INTS1: variants seen among roughly 807,000 people sequenced by gnomAD.
INTS1 encodes the protein integrator complex subunit 1.
Under a neutral mutation model 241.6 loss-of-function variants are expected in INTS1, and 137 were observed. The observed-to-expected ratio is 0.57, with a 90% CI of 0.49 to 0.65. The LOEUF is 0.65. Ranked by LOEUF, INTS1 falls within the 30% of genes least tolerant of loss-of-function variation. The pLI, the probability that INTS1 is intolerant of heterozygous loss-of-function variation, is 0.00. For missense variants in INTS1, 3,073 were observed against 3,032.2 expected (o/e 1.01, Z -0.32); for synonymous variants, 1,692 against 1,337.8 (o/e 1.26, Z -5.78).
chr7:1,487,668 C>T, intron 19 of INTS1, 92 bp downstream of exon 19: 1 of 1,498,370 alleles, frequency 6.7e-7, no homozygotes, highest in Admixed American at 1.7e-5. Context: ...GTGCGGTCGG[C>T]TCCGCCTGCT....
In INTS1 at chr7:1,493,978, AC is replaced by A. The variant is rs907828730; in HGVS notation, c.1911-68del. On this transcript the variant is annotated intron_variant, in intron 14 of 47. Transcript: ENST00000404767. This position sits in a 1 kb window ranked among gnomAD's most constrained non-coding sequence, Gnocchi z 5.3. ...ACCTGCCAGACCTGAGGGGCCGAGG[AC>A]AGGCCAGCTTCTCCCTCAGAGCCCA... The A allele has an allele frequency of 1.3e-6, 2 of 1,495,612 alleles. No individual in the cohort carries two copies. Among genetic ancestry groups the A allele is most frequent in the African/African-American group, 2.8e-5 (2 of 71,512 alleles). The allele number at this position is 1,495,612 out of a possible 1,614,324, so 92.6% of individuals were successfully genotyped here. A position where few individuals can be genotyped will look rare whatever the true frequency, so the allele number is the denominator to read the frequency against.
At chr7:1,503,641 C>T (rs921474328) in intron 2 of INTS1, among the ~76,000 whole-genome samples, 2 of 152,332 alleles carry the variant, frequency 1.3e-5, no homozygotes, top group African/African-American at 4.8e-5. Flanking sequence ...CTGGGGAGAC[C>T]TTCCGCTACT....
intron 33 of INTS1, 84 bp downstream of exon 33, chr7:1,478,282 C>T (rs1781824104): frequency 2.1e-6 from 3 of 1,459,776 alleles, no homozygotes; most frequent in African/African-American, 1.4e-5. Context: ...CACTGTCCGT[C>T]CCCCACTGGG....
Position 1,478,889 on chromosome 7 carries a change from CG to C in INTS1, c.4330-5del. On this transcript the variant is annotated splice_polypyrimidine_tract_variant and splice_region_variant and intron_variant, in intron 31 of 47. Coordinates refer to ENST00000404767, the MANE Select transcript of INTS1 (RefSeq NM_001080453.3). ...CGGTGTCCTGTGGCACACAGCGCTG[CG>C]GGGACAAAGTGGCACGTGGCTACCC... The C allele has an allele frequency of 1.3e-6, 2 of 1,595,832 alleles. No homozygotes were observed. Among genetic ancestry groups the C allele is most frequent in the South Asian group, 1.1e-5 (1 of 90,356 alleles).
intron 33 of INTS1, 70 bp from the exon 34 acceptor site, chr7:1,478,006 T>A (rs1405431971): frequency 1.5e-6 from 2 of 1,318,886 alleles, no homozygotes; most frequent in Non-Finnish European, 2.2e-6. Flanking sequence ...GGGTGTGGGC[T>A]AGCCAGGGTG....
chr7:1,498,907 C>T lies in INTS1; in HGVS notation c.1138-55G>A, dbSNP rs569954434. ...CACGGCCACCCCGGCAGGAAGACCA[C>T]GCTGTGGGGCCACACAGAGCCTGCC... On this transcript the variant is annotated intron_variant, in intron 8 of 47. Coordinates refer to ENST00000404767, the MANE Select transcript of INTS1 (RefSeq NM_001080453.3). 2,013 of 1,543,496 alleles carry T rather than the reference C, an allele frequency of 1.3e-3. 40 individuals carry two copies. In the South Asian group the frequency reaches 0.022, roughly 17 times the overall value.
rs1251565692 is a variant in INTS1 at position 1,493,824 on chromosome 7, C to T, written c.1998G>A (p.Pro666=). 4.5e-6 allele frequency: 7 copies of T among 1,571,716 alleles called. No homozygotes were observed. Among genetic ancestry groups the T allele is most frequent in the East Asian group, 2.4e-5 (1 of 42,156 alleles). ...ILVIGLSREL[P]LGPADAMELA... is the part of the protein sequence containing the mutation. Reference sequence around the variant, plus strand: ...GCTCCATGGCGTCCGCAGGCCCGAGCGGGAGCTCCCGGGACAGCCCGATGA... The same window carrying T: ...GCTCCATGGCGTCCGCAGGCCCGAGTGGGAGCTCCCGGGACAGCCCGATGA... The change falls in exon 15 of 48, where the codon CCG becomes CCA. Residue 666 remains proline, a synonymous_variant. Transcript: ENST00000404767. This position sits in a 1 kb window ranked among gnomAD's most constrained non-coding sequence, Gnocchi z 5.3.
In INTS1 at chr7:1,500,335, C is replaced by T; in HGVS notation, c.381G>A (p.Glu127=). ...VLPTVLLDEI[E]AAELEGNDDR... ...CATCGTTGCCCTCCAGCTCGGCCGC[C>T]TCGATCTCATCCAGCAGCACCGTGG... Residue 127 remains glutamate, a synonymous_variant, in exon 4 of 48, where the codon GAG becomes GAA. Transcript: ENST00000404767. The T allele has an allele frequency of 6.3e-7, 1 of 1,586,370 alleles. No individual in the cohort carries two copies. The highest frequency in any genetic ancestry group is 8.6e-7 in the Non-Finnish European group (1 of 1,164,920).
At position 1,476,656 on chromosome 7, in the gene INTS1, A is replaced by G. The variant is rs1781738754; in HGVS notation, c.5065T>C (p.Phe1689Leu). 1 of 1,612,570 alleles carries G rather than the reference A, an allele frequency of 6.2e-7. No homozygotes were observed. The highest frequency in any genetic ancestry group is 1.1e-5 in the South Asian group (1 of 91,090). Reference sequence around the variant, plus strand: ...AAGTCCAGAGAGGCAGAGGGGTCGAACCTGTGGGGAGGCAAAGGTTCCAGA... The same window carrying G: ...AAGTCCAGAGAGGCAGAGGGGTCGAGCCTGTGGGGAGGCAAAGGTTCCAGA... ...VLLGKSREQR[F>L]DPSASLDFLW... Residue 1689 changes from phenylalanine (F) to leucine (L), a missense_variant and splice_region_variant, in exon 37 of 48, where the codon TTC becomes CTC. Phe to Leu is a conservative substitution (Grantham distance 22, BLOSUM62 0). Transcript: ENST00000404767.
chr7:1,495,730 C>T (rs1050608933), intron 12 of INTS1, among the ~76,000 whole-genome samples, 177 bp from the exon 13 acceptor site: 2 of 152,122 alleles, frequency 1.3e-5, no homozygotes, highest in African/African-American at 2.4e-5. Flanking sequence ...GACCCTGACG[C>T]GTGCGTGGGT....
chr7:1,473,965 T>G (rs1057306344), intron 41 of INTS1, among the ~76,000 whole-genome samples: 1 of 152,182 alleles, frequency 6.6e-6, no homozygotes, highest in African/African-American at 2.4e-5. Flanking sequence ...GGGCTGGGCT[T>G]CTGAAGGACG....
chr7:1,500,648 C>T (rs1783129889), intron 3 of INTS1, among the ~76,000 whole-genome samples: 1 of 152,206 alleles, frequency 6.6e-6, no homozygotes, highest in Non-Finnish European at 1.5e-5. Flanking sequence ...CAGACATTTC[C>T]CAGCAAGCCA....
rs1353958583 is a variant in INTS1 at position 1,504,386 on chromosome 7, T to C, written c.-105A>G. 2.1e-6 allele frequency: 1 copy of C among 474,140 alleles called. No individual in the cohort carries two copies. The highest frequency in any genetic ancestry group is 2.2e-5 in the Admixed American group (1 of 44,500). 29.4% of individuals were successfully genotyped at this position (474,140 alleles called of 1,614,324 possible). A position where few individuals can be genotyped will look rare whatever the true frequency, so the allele number is the denominator to read the frequency against. On this transcript the variant is annotated 5_prime_UTR_variant, in exon 1 of 48. Coordinates refer to ENST00000404767, the MANE Select transcript of INTS1 (RefSeq NM_001080453.3). ...CGGCCACCCCGGAATCGGAAACCGATCTCACCGCCCTCGAGGACCCGACTT... is the reference window on the plus strand; with the variant it reads ...CGGCCACCCCGGAATCGGAAACCGACCTCACCGCCCTCGAGGACCCGACTT...
chr7:1,503,693 G>A (rs545930679), intron 2 of INTS1, among the ~76,000 whole-genome samples: 81 of 152,306 alleles, frequency 5.3e-4, no homozygotes, highest in African/African-American at 1.9e-3. Context: ...GATCACCGGG[G>A]TCCCGAAGGA....
chr7:1,474,354 C>T lies in INTS1; in HGVS notation c.5643G>A (p.Leu1881=). Residue 1881 remains leucine, a synonymous_variant, in exon 41 of 48, where the codon CTG becomes CTA. Coordinates refer to ENST00000404767, the MANE Select transcript of INTS1 (RefSeq NM_001080453.3). ...VAHPLLLLRH[L]PMIAALLHGR... is the part of the protein sequence containing the mutation. Reference sequence around the variant, plus strand: ...CGTGCAGGAGCGCCGCGATCATGGGCAGGTGCCTGCGGGCGCGGTGAGGGC... The same window carrying T: ...CGTGCAGGAGCGCCGCGATCATGGGTAGGTGCCTGCGGGCGCGGTGAGGGC... The T allele has an allele frequency of 6.3e-7, 1 of 1,591,122 alleles. No homozygotes were observed.
chr7:1,498,050 C>CA (rs57189780), intron 10 of INTS1, among the ~76,000 whole-genome samples: 81,592 of 151,950 alleles, frequency 0.54, 23,707 homozygotes, highest in African/African-American at 0.77. Flanking sequence ...CCGGTCTCCA[C>CA]AAAATTTTTA....
chr7:1,483,483 G>A (rs2128537044), intron 26 of INTS1: 2 of 555,148 alleles, frequency 3.6e-6, no homozygotes, highest in East Asian at 6.2e-5. Context: ...ACCCCAGGCT[G>A]TACCAGGCCC....
rs1158514550 is a variant in INTS1 at position 1,477,684 on chromosome 7, A to G, written c.4815-11T>C. On this transcript the variant is annotated splice_polypyrimidine_tract_variant and intron_variant, in intron 34 of 47. Transcript: ENST00000404767. ...CGCACGGCCTCCAGGCTGCAGGGAG[A>G]AGGTGGCTCAGGGAAGGGCTGGTGC... The G allele has an allele frequency of 1.0e-5, 16 of 1,598,960 alleles. No individual in the cohort carries two copies. The highest frequency in any genetic ancestry group is 4.5e-5 in the East Asian group (2 of 44,500).
chr7:1,485,240 G>T, intron 23 of INTS1, 38 bp from the exon 24 acceptor site: 1 of 1,597,468 alleles, frequency 6.3e-7, no homozygotes. Context: ...ACAGGGCAGG[G>T]CTGCGGCCCT....
Sources: gnomAD v4.1 joint callset for allele counts (sites outside exome capture counted in the v4.1 genomes callset) on GRCh38, gnomAD v4.1.1 for gene constraint, Gnocchi (gnomAD v3.1) non-coding constraint, MANE v1.5 for transcripts, NCBI Gene and HGNC (gene_info 2026-07-23, HGNC 2026-07-21) for gene names.